TMEM108: variants seen among roughly 807,000 people sequenced by gnomAD.
The protein encoded by TMEM108 is transmembrane protein 108.
A neutral mutation model predicts 35.1 loss-of-function variants in TMEM108; 12 were observed. The observed-to-expected ratio is 0.34, with a 90% confidence interval of 0.22 to 0.55. TMEM108 has a LOEUF of 0.55. Among genes scored for constraint, TMEM108 ranks in the 20% least tolerant of loss-of-function variants. TMEM108 has a pLI of 0.89. For missense variants in TMEM108, 680 were observed against 753.3 expected (o/e 0.90, Z 1.14); for synonymous variants, 287 against 308.6 (o/e 0.93, Z 0.73).
intron 3 of TMEM108, among the ~76,000 whole-genome samples, chr3:133,331,053 G>T (rs918779016): frequency 6.6e-6 from 1 of 152,096 alleles, no homozygotes; most frequent in Non-Finnish European, 1.5e-5. Context: ...ATAATGTTTG[G>T]TGCATGGGAG....
In TMEM108 at chr3:133,212,451, G is replaced by A. The variant is rs140182754; in HGVS notation, c.-46-16815G>A. ...TGTAATCTCACAGAACTGCCACAAA[G>A]TGACAGTTATTGTAATTGTACCCAC... On this transcript the variant is annotated intron_variant, in intron 2 of 5. Transcript: ENST00000321871. Among the ~76,000 whole-genome samples, 187 of 152,294 alleles carry A rather than the reference G, an allele frequency of 1.2e-3. 4 individuals are homozygous for A. In the East Asian group the frequency reaches 0.028, roughly 23 times the overall value.
At chr3:133,340,162 T>TG (rs567852890) in intron 3 of TMEM108, among the ~76,000 whole-genome samples, 63 of 61,736 alleles carry the variant, frequency 1.0e-3, no homozygotes, top group African/African-American at 2.9e-3. Flanking sequence ...CAAAAAGTTG[T>TG]TTTTTTTTGA....
chr3:133,065,662 T>C (rs1262414140), intron 2 of TMEM108, among the ~76,000 whole-genome samples: 1 of 152,196 alleles, frequency 6.6e-6, no homozygotes, highest in African/African-American at 2.4e-5. Flanking sequence ...CCAATTCTTA[T>C]TAAATTTAAA....
intron 2 of TMEM108, among the ~76,000 whole-genome samples, chr3:133,134,323 T>C (rs896090335): frequency 6.6e-6 from 1 of 152,158 alleles, no homozygotes; most frequent in African/African-American, 2.4e-5. Flanking sequence ...CATCTAAAAG[T>C]TAATTATGCT....
chr3:133,252,200 A>G (rs769459526), intron 3 of TMEM108, among the ~76,000 whole-genome samples: 2 of 152,114 alleles, frequency 1.3e-5, no homozygotes, highest in Non-Finnish European at 2.9e-5. Context: ...AGAAAGAAAA[A>G]CATGATTCAT....
At chr3:133,364,998 C>T (rs1202374220) in intron 3 of TMEM108, among the ~76,000 whole-genome samples, 1 of 152,186 alleles carries the variant, frequency 6.6e-6, no homozygotes, top group Admixed American at 6.5e-5. Context: ...AGCAAGGCAG[C>T]TCTTTTAAGG....
intron 2 of TMEM108, among the ~76,000 whole-genome samples, chr3:133,208,632 A>G (rs1203308896): frequency 6.6e-6 from 1 of 152,148 alleles, no homozygotes; most frequent in Non-Finnish European, 1.5e-5. Context: ...TCTCCTGAAT[A>G]TATTCTCCCC....
At chr3:133,265,154 A>G (rs1946678809) in intron 3 of TMEM108, among the ~76,000 whole-genome samples, 2 of 152,214 alleles carry the variant, frequency 1.3e-5, no homozygotes, top group Admixed American at 1.3e-4. Flanking sequence ...ACCCAGATGG[A>G]TCCGATTAGC....
chr3:133,373,856 A>C (rs137994513), intron 3 of TMEM108, among the ~76,000 whole-genome samples: 1 of 152,340 alleles, frequency 6.6e-6, no homozygotes, highest in East Asian at 1.9e-4. Flanking sequence ...ATTTTGTTCA[A>C]AAATCTTAGG....
At chr3:133,331,782 G>A (rs897023750) in intron 3 of TMEM108, among the ~76,000 whole-genome samples, 7 of 152,132 alleles carry the variant, frequency 4.6e-5, no homozygotes, top group African/African-American at 1.4e-4. Flanking sequence ...ACTTGTCAGG[G>A]GAATTCTAGT....
At chr3:133,293,869 T>C (rs1947107228) in intron 3 of TMEM108, among the ~76,000 whole-genome samples, 1 of 152,110 alleles carries the variant, frequency 6.6e-6, no homozygotes, top group African/African-American at 2.4e-5. Flanking sequence ...ACAGAAGAGT[T>C]AAGAGGTTGT....
intron 2 of TMEM108, among the ~76,000 whole-genome samples, chr3:133,174,247 G>A (rs1045623842): frequency 2.6e-5 from 4 of 152,246 alleles, no homozygotes; most frequent in African/African-American, 9.6e-5. Flanking sequence ...CTCCACGTCT[G>A]GGGACGGGGC....
chr3:133,046,747 C>G (rs1943344472), intron 2 of TMEM108, among the ~76,000 whole-genome samples: 1 of 152,140 alleles, frequency 6.6e-6, no homozygotes, highest in African/African-American at 2.4e-5. Flanking sequence ...CCTTTCTGAG[C>G]TCTCCAATTT....
chr3:133,149,034 A>G (rs1019810936), intron 2 of TMEM108, among the ~76,000 whole-genome samples: 8 of 151,994 alleles, frequency 5.3e-5, no homozygotes, highest in African/African-American at 1.9e-4. Flanking sequence ...AAACACAAAT[A>G]TTTAACCTAG....
chr3:133,243,932 A>G (rs1186202422), intron 3 of TMEM108, among the ~76,000 whole-genome samples: 8 of 152,190 alleles, frequency 5.3e-5, no homozygotes, highest in Admixed American at 2.6e-4. Context: ...TTTCCCAGGA[A>G]TAACTGATAG....
chr3:133,253,397 T>TTCAAC (rs534860556), intron 3 of TMEM108: 2 of 152,170 alleles, frequency 1.3e-5, no homozygotes, highest in Non-Finnish European at 2.9e-5. Flanking sequence ...GTAAGGTTGT[T>TTCAAC]TCAACTCTTC....
intron 2 of TMEM108, among the ~76,000 whole-genome samples, chr3:133,069,363 A>C (rs776907081): frequency 3.3e-5 from 5 of 152,214 alleles, no homozygotes; most frequent in Non-Finnish European, 7.3e-5. Flanking sequence ...AAAATAAACT[A>C]AGAAGTAATT....
intron 3 of TMEM108, among the ~76,000 whole-genome samples, chr3:133,354,401 C>T (rs1292299460): frequency 1.3e-5 from 2 of 152,166 alleles, no homozygotes; most frequent in Non-Finnish European, 2.9e-5. Context: ...ATTACAGGGG[C>T]ACAGAATGGT....
At chr3:133,234,657 A>G (rs1476782548) in intron 3 of TMEM108, among the ~76,000 whole-genome samples, 2 of 152,164 alleles carry the variant, frequency 1.3e-5, no homozygotes, top group Non-Finnish European at 2.9e-5. Context: ...CTGAATGGGC[A>G]AAAACTGGAA....
Sources: gnomAD v4.1 joint callset for allele counts (sites outside exome capture counted in the v4.1 genomes callset) on GRCh38, gnomAD v4.1.1 for gene constraint, MANE v1.5 for transcripts, NCBI Gene and HGNC (gene_info 2026-07-23, HGNC 2026-07-21) for gene names.